The following REV3L variants were observed in gnomAD, a reference collection of about 807,000 sequenced individuals.
REV3L encodes the protein REV3 like, DNA directed polymerase zeta catalytic subunit.
REV3L carries 69 observed loss-of-function variants against 299.4 expected under a neutral mutation model. That is an observed-to-expected ratio of 0.23 (90% CI 0.19 to 0.28). REV3L has a LOEUF of 0.28. REV3L is among the 10% of genes least tolerant of loss of function. REV3L has a pLI of 1.00. For synonymous variants in REV3L, 1,238 were observed against 1,271.4 expected (o/e 0.97, Z 0.56); for missense variants, 3,128 against 3,693.8 (o/e 0.85, Z 3.97).
chr6:111,323,235 A>G (rs368170254), intron 25 of REV3L, among the ~76,000 whole-genome samples: 1 of 152,234 alleles, frequency 6.6e-6, no homozygotes, highest in East Asian at 1.9e-4. Flanking sequence ...TGATCCACCC[A>G]CCTCGGCCTC....
At chr6:111,313,236 T>C (rs910568421) in intron 28 of REV3L, 116 bp downstream of exon 28, 11 of 844,894 alleles carry the variant, frequency 1.3e-5, no homozygotes, top group Non-Finnish European at 1.2e-5. Flanking sequence ...ATAGTTATAT[T>C]AATTATATAG....
chr6:111,343,889 T>C (rs768735908), intron 21 of REV3L, 36 bp downstream of exon 21: 2 of 1,325,242 alleles, frequency 1.5e-6, no homozygotes, highest in African/African-American at 1.5e-5. Context: ...TCAATGATGA[T>C]TTTATATTAC....
chr6:111,416,124 T>A (rs560252049), intron 2 of REV3L, among the ~76,000 whole-genome samples, 159 bp downstream of exon 2: 1 of 152,300 alleles, frequency 6.6e-6, no homozygotes, highest in South Asian at 2.1e-4. Context: ...CTACCTTTCA[T>A]TGCCATAAAA....
chr6:111,402,432 G>A (rs767759002), intron 4 of REV3L, among the ~76,000 whole-genome samples: 1 of 152,186 alleles, frequency 6.6e-6, no homozygotes, highest in Admixed American at 6.5e-5. Context: ...CCCAAAGAAG[G>A]TTCTTAATTT....
chr6:111,482,868 C>A lies in REV3L; in HGVS notation c.21G>T (p.Val7=). ...GGCTGGCCATGTAGTAGTCTGCAGT[C>A]ACTATCCTTACTGAAAACATGTTCG... MFSVRI[V]TADYYMASPL... is the part of the protein sequence containing the mutation. Residue 7 remains valine (V), a synonymous_variant, in exon 1 of 32, where the codon GTG becomes GTT. Transcript: ENST00000368802. The A allele has an allele frequency of 1.3e-6, 2 of 1,519,716 alleles. No homozygotes were observed. The highest frequency in any genetic ancestry group is 2.6e-5 in the South Asian group (2 of 77,566). The allele number at this position is 1,519,716 out of a possible 1,614,324, so 94.1% of individuals were successfully genotyped here. A position where few individuals can be genotyped will look rare whatever the true frequency, so the allele number is the denominator to read the frequency against.
intron 21 of REV3L, among the ~76,000 whole-genome samples, chr6:111,337,046 C>A (rs764436573): frequency 1.5e-5 from 2 of 130,980 alleles, no homozygotes; most frequent in Non-Finnish European, 3.1e-5. Context: ...AATAGATCAG[C>A]GGTTGTCTAA....
Position 111,373,453 on chromosome 6 carries a change from T to C in REV3L, c.4902A>G (p.Ser1634=), listed in dbSNP as rs1779995410. ...GTTCAGGAGATAAACTATCTTCAAGTGAGTAACAACTTTCAAAGCCTGGAT... is the reference window on the plus strand; with the variant it reads ...GTTCAGGAGATAAACTATCTTCAAGCGAGTAACAACTTTCAAAGCCTGGAT... ...FSDPGFESCY[S]LEDSLSPEHN... is the part of the protein sequence containing the mutation. Residue 1634 remains serine, a synonymous_variant, in exon 13 of 32, where the codon TCA becomes TCG. Coordinates refer to ENST00000368802, the MANE Select transcript of REV3L (RefSeq NM_001372078.1). The C allele has an allele frequency of 4.3e-6, 7 of 1,613,704 alleles. No individual in the cohort carries two copies. Among genetic ancestry groups the C allele is most frequent in the Non-Finnish European group, 5.1e-6 (6 of 1,179,860 alleles).
intron 25 of REV3L, among the ~76,000 whole-genome samples, chr6:111,326,844 C>A (rs1051685456): frequency 6.6e-6 from 1 of 151,552 alleles, no homozygotes; most frequent in Non-Finnish European, 1.5e-5. Flanking sequence ...TCCATTTTTA[C>A]TCTATTGGTG....
At chr6:111,470,241 C>A (rs1792026031) in intron 1 of REV3L, among the ~76,000 whole-genome samples, 1 of 151,936 alleles carries the variant, frequency 6.6e-6, no homozygotes, top group Admixed American at 6.6e-5. Context: ...TTCACGGTCA[C>A]TGTCACATCT....
At position 111,307,655 on chromosome 6, in the gene REV3L, G is replaced by A. The variant is rs1772468753; in HGVS notation, c.9043-85C>T. 5.5e-6 allele frequency: 7 copies of A among 1,277,860 alleles called. No individual in the cohort carries two copies. In the Admixed American group the frequency reaches 1.3e-4, roughly 24 times the overall value. 79.2% of individuals were successfully genotyped at this position (1,277,860 alleles called of 1,614,324 possible). A position where few individuals can be genotyped will look rare whatever the true frequency, so the allele number is the denominator to read the frequency against. Reference sequence around the variant, plus strand: ...TCATGCTAATTACAGGTTTACTCAGGCATTCATTCATTCGTTCATTCACTC... The same window carrying A: ...TCATGCTAATTACAGGTTTACTCAGACATTCATTCATTCGTTCATTCACTC... On this transcript the variant is annotated intron_variant, in intron 30 of 31. Coordinates refer to ENST00000368802, the MANE Select transcript of REV3L (RefSeq NM_001372078.1).
chr6:111,316,282 A>G (rs1483554204), intron 26 of REV3L, among the ~76,000 whole-genome samples: 1 of 152,164 alleles, frequency 6.6e-6, no homozygotes, highest in Non-Finnish European at 1.5e-5. Flanking sequence ...ACATCACAAA[A>G]TAAGAGACTA....
At chr6:111,343,511 T>G (rs111747417) in intron 21 of REV3L, among the ~76,000 whole-genome samples, 5 of 152,176 alleles carry the variant, frequency 3.3e-5, no homozygotes, top group African/African-American at 1.2e-4. Flanking sequence ...TCAAAGTCAT[T>G]GAACAATAAT....
Position 111,326,109 on chromosome 6 carries a change from T to C in REV3L, c.8241+3423A>G, listed in dbSNP as rs1287812646. 2.4e-4 allele frequency among the ~76,000 whole-genome samples: 36 copies of C among 152,194 alleles called. 1 individual carries two copies. The highest frequency in any genetic ancestry group is 2.9e-5 in the Non-Finnish European group (2 of 68,014). On this transcript the variant is annotated intron_variant, in intron 25 of 31. Coordinates refer to ENST00000368802, the MANE Select transcript of REV3L (RefSeq NM_001372078.1). ...TGCAAATGACGGGATTTTATTCTTT[T>C]TTAGGGCTGATTACTGGACAAATGG...
chr6:111,448,947 G>A (rs144784080), intron 1 of REV3L, among the ~76,000 whole-genome samples: 75 of 152,078 alleles, frequency 4.9e-4, no homozygotes, highest in Admixed American at 1.5e-3. Context: ...GATTACAGGC[G>A]TGAGCCACCA....
At chr6:111,405,319 T>C in intron 4 of REV3L, 151 bp downstream of exon 4, 1 of 537,708 alleles carries the variant, frequency 1.9e-6, no homozygotes, top group Non-Finnish European at 2.9e-6. Flanking sequence ...TGACAATCTC[T>C]AATCCCACTT....
intron 20 of REV3L, among the ~76,000 whole-genome samples, chr6:111,345,638 T>C (rs189085343): frequency 2.7e-3 from 405 of 152,226 alleles, no homozygotes; most frequent in South Asian, 5.4e-3. Context: ...CTGACCATCA[T>C]CTCCGGTGCT....
At chr6:111,303,172 T>C (rs1582412181) in intron 31 of REV3L, among the ~76,000 whole-genome samples, 3 of 135,394 alleles carry the variant, frequency 2.2e-5, no homozygotes, top group Admixed American at 1.5e-4. Flanking sequence ...TTTCTTTTTT[T>C]TTTTTTTTTT....
At chr6:111,462,025 A>G (rs1457067384) in intron 1 of REV3L, among the ~76,000 whole-genome samples, 1 of 152,180 alleles carries the variant, frequency 6.6e-6, no homozygotes, top group Admixed American at 6.5e-5. Flanking sequence ...TATGCTGACT[A>G]TAAGAAACCC....
chr6:111,447,613 G>C lies in REV3L; in HGVS notation c.140-31141C>G, dbSNP rs555957489. On this transcript the variant is annotated intron_variant, in intron 1 of 31. Transcript: ENST00000368802. Reference sequence around the variant, plus strand: ...AATGGCAAATATTTTAGGCACTGTGGGTCACAGTGAACCTTTGGTGCAACT... The same window carrying C: ...AATGGCAAATATTTTAGGCACTGTGCGTCACAGTGAACCTTTGGTGCAACT... Among the ~76,000 whole-genome samples, 6 of 152,190 alleles carry C rather than the reference G, an allele frequency of 3.9e-5. No individual in the cohort carries two copies. The South Asian group carries it at 6.2e-4, about 16-fold the overall frequency.
Sources: allele counts gnomAD v4.1 joint callset (sites outside exome capture counted in the v4.1 genomes callset), GRCh38; gene constraint gnomAD v4.1.1; transcripts MANE v1.5; gene names NCBI Gene and HGNC (gene_info 2026-07-23, HGNC 2026-07-21).